The following FBRSL1 variants were observed in gnomAD, a reference collection of about 807,000 sequenced individuals.
FBRSL1 encodes fibrosin like 1, also known as fibrosin-1-like protein.
Under a neutral mutation model 89.6 loss-of-function variants are expected in FBRSL1, and 51 were observed. The ratio of observed to expected loss-of-function variants is 0.57; its 90% CI spans 0.45 to 0.72. The LOEUF (loss-of-function observed/expected upper bound fraction) is 0.72. Ranked by LOEUF, FBRSL1 falls within the 30% of genes least tolerant of loss-of-function variation. The pLI is 0.00. For missense variants in FBRSL1, 1,618 were observed against 1,451.8 expected (o/e 1.11, Z -1.86); for synonymous variants, 779 against 681.1 (o/e 1.14, Z -2.24).
intron 4 of FBRSL1, among the ~76,000 whole-genome samples, chr12:132,535,663 A>G (rs946753391): frequency 6.6e-6 from 1 of 152,256 alleles, no homozygotes; most frequent in Non-Finnish European, 1.5e-5. Context: ...CACTAGGCCC[A>G]GCGGGTGCAG....
chr12:132,566,783 T>C (rs2039657242), intron 5 of FBRSL1, among the ~76,000 whole-genome samples: 1 of 151,038 alleles, frequency 6.6e-6, no homozygotes, highest in South Asian at 2.1e-4. Context: ...CATAGCGCGG[T>C]GTCCTGTGGG....
intron 4 of FBRSL1, among the ~76,000 whole-genome samples, chr12:132,538,778 G>A (rs2036969578): frequency 6.6e-6 from 1 of 152,188 alleles, no homozygotes; most frequent in South Asian, 2.1e-4. Context: ...GTGCTTTGAA[G>A]CCTAAATACT....
chr12:132,493,705 C>G (rs899389299), intron 1 of FBRSL1, among the ~76,000 whole-genome samples: 3 of 152,246 alleles, frequency 2.0e-5, no homozygotes, highest in Admixed American at 2.0e-4. Flanking sequence ...GGCAGGCCCC[C>G]GCCCCCTTTG....
At chr12:132,491,898 G>A (rs35318451) in intron 1 of FBRSL1, among the ~76,000 whole-genome samples, 36,947 of 152,234 alleles carry the variant, frequency 0.24, 5,225 homozygotes, top group Non-Finnish European at 0.32. Flanking sequence ...CAAGTGCACG[G>A]ACAGAGCTGG....
intron 2 of FBRSL1, among the ~76,000 whole-genome samples, chr12:132,512,978 C>T (rs1306044232): frequency 2.6e-5 from 4 of 152,318 alleles, no homozygotes; most frequent in Middle Eastern, 3.4e-3. Flanking sequence ...AGGGCAGAGA[C>T]ACCAGGGCGC....
chr12:132,532,936 G>T (rs544249522), intron 4 of FBRSL1, among the ~76,000 whole-genome samples: 1 of 152,324 alleles, frequency 6.6e-6, no homozygotes, highest in Admixed American at 6.5e-5. Context: ...CCCTCGCTCT[G>T]TGCCAGGGCC....
chr12:132,547,987 C>T lies in FBRSL1; in HGVS notation c.616-16C>T. 1 of 1,549,850 alleles carries T rather than the reference C, an allele frequency of 6.5e-7. No homozygotes were observed. The highest frequency in any genetic ancestry group is 2.4e-5 in the East Asian group (1 of 40,884). ...TGGTGGGGCCCCGACTCACTTCTGT[C>T]TCTCTGTCCCTGCAGTGTGACAGCG... On this transcript the variant is annotated splice_polypyrimidine_tract_variant and intron_variant, in intron 4 of 18. Transcript: ENST00000680143.
intron 15 of FBRSL1, among the ~76,000 whole-genome samples, chr12:132,577,661 A>G (rs1293789524): frequency 1.3e-5 from 2 of 151,832 alleles, no homozygotes; most frequent in Admixed American, 6.6e-5. Flanking sequence ...TCCCCCAGCA[A>G]CACAACGTGA....
chr12:132,537,035 C>T (rs558550796), intron 4 of FBRSL1, among the ~76,000 whole-genome samples: 8 of 152,210 alleles, frequency 5.3e-5, no homozygotes, highest in Admixed American at 2.6e-4. Flanking sequence ...AGAGTGGAAG[C>T]GGCTGGTGGC....
At chr12:132,510,208 C>T (rs1027669444) in intron 2 of FBRSL1, 13 of 1,231,612 alleles carry the variant, frequency 1.1e-5, no homozygotes, top group East Asian at 6.3e-5. Context: ...AAACCCCAGC[C>T]GTTGCTCCCC....
At chr12:132,538,841 C>T (rs2036976382) in intron 4 of FBRSL1, among the ~76,000 whole-genome samples, 2 of 152,164 alleles carry the variant, frequency 1.3e-5, no homozygotes, top group African/African-American at 4.8e-5. Flanking sequence ...CTTCAGGACC[C>T]ACCACCCGGT....
At chr12:132,515,102 G>A (rs556619271) in intron 2 of FBRSL1, among the ~76,000 whole-genome samples, 4 of 152,196 alleles carry the variant, frequency 2.6e-5, no homozygotes, top group Admixed American at 2.0e-4. Flanking sequence ...GTTCCCAGGC[G>A]CCTGCTGTCT....
At position 132,584,873 on chromosome 12, in the gene FBRSL1, C is replaced by T. The variant is rs1209027478; in HGVS notation, c.*1095C>T. On this transcript the variant is annotated 3_prime_UTR_variant, in exon 19 of 19. Transcript: ENST00000680143. ...ACACAAAATCACTGCTGTGTGTTTT[C>T]TTCCGCCTGAGGCATCAGCGTCACC... 1 of 152,086 alleles carries T rather than the reference C, an allele frequency of 6.6e-6. No individual in the cohort carries two copies. Among genetic ancestry groups the T allele is most frequent in the African/African-American group, 2.4e-5 (1 of 41,274 alleles). The allele number at this position is 152,086 out of a possible 1,614,324, so 9.4% of individuals were successfully genotyped here.
At chr12:132,502,543 TGGTCAGAGG>T (rs1218801470) in intron 1 of FBRSL1, among the ~76,000 whole-genome samples, 8 of 152,116 alleles carry the variant, frequency 5.3e-5, no homozygotes, top group Non-Finnish European at 4.4e-5. Context: ...CCAGTCGGGC[TGGTCAGAGG>T]GTGACTGGGC....
chr12:132,527,970 C>G lies in FBRSL1; in HGVS notation c.597C>G (p.Val199=), dbSNP rs2035942302. ...TCCTGCAGAGCTCTGCGCATGCGGTCTCGGGGAGAGGCTACTCTGTAAGTC... is the reference window on the plus strand; with the variant it reads ...TCCTGCAGAGCTCTGCGCATGCGGTGTCGGGGAGAGGCTACTCTGTAAGTC... ...DPLSDSSAHA[V]SGRGYSCDSE... is the part of the protein sequence containing the mutation. Residue 199 remains valine (V), a synonymous_variant, in exon 4 of 19, where the codon GTC becomes GTG. Transcript: ENST00000680143. 6.4e-7 allele frequency: 1 copy of G among 1,551,316 alleles called. No individual in the cohort carries two copies. The highest frequency in any genetic ancestry group is 8.7e-7 in the Non-Finnish European group (1 of 1,146,938).
chr12:132,521,189 T>C (rs1438017485), intron 2 of FBRSL1, among the ~76,000 whole-genome samples: 1 of 152,110 alleles, frequency 6.6e-6, no homozygotes, highest in Non-Finnish European at 1.5e-5. Flanking sequence ...CCAGGAGCCA[T>C]GTTCTAGGGG....
At chr12:132,560,643 C>A (rs1005717629) in intron 5 of FBRSL1, among the ~76,000 whole-genome samples, 1 of 152,180 alleles carries the variant, frequency 6.6e-6, no homozygotes, top group Non-Finnish European at 1.5e-5. Flanking sequence ...GAGGCTGCTC[C>A]GCGGGTCGGG....
At chr12:132,543,277 G>A (rs531333208) in intron 4 of FBRSL1, among the ~76,000 whole-genome samples, 4 of 152,244 alleles carry the variant, frequency 2.6e-5, no homozygotes, top group Non-Finnish European at 5.9e-5. Context: ...GAGGAAACAG[G>A]CTCGGAGAAA....
chr12:132,537,477 C>T (rs533808630), intron 4 of FBRSL1, among the ~76,000 whole-genome samples: 12 of 152,278 alleles, frequency 7.9e-5, no homozygotes, highest in Admixed American at 3.3e-4. Context: ...AGTGCAAATG[C>T]CAGTCCAGAT....
Sources: gnomAD v4.1 joint callset for allele counts (sites outside exome capture counted in the v4.1 genomes callset) on GRCh38, gnomAD v4.1.1 for gene constraint, MANE v1.5 for transcripts, NCBI Gene and HGNC (gene_info 2026-07-23, HGNC 2026-07-21) for gene names.